NFIA: variants seen among roughly 807,000 people sequenced by gnomAD.
NFIA encodes nuclear factor I A.
Under a neutral mutation model 62.8 loss-of-function variants are expected in NFIA, and 8 were observed. That is an observed-to-expected ratio of 0.13 (90% confidence interval 0.07 to 0.23). NFIA has a LOEUF of 0.23. Ranked by LOEUF, NFIA falls within the 10% of genes least tolerant of loss-of-function variation. NFIA has a pLI of 1.00. For synonymous variants in NFIA, 235 were observed against 238.1 expected, an observed-to-expected ratio of 0.99 and a Z score of 0.12; for missense variants, 410 against 642.1, an observed-to-expected ratio of 0.64 and a Z score of 3.91.
chr1:61,334,535 A>ATGTGTGTGTGTGTGTGTGTGTGTG (rs35661377), intron 4 of NFIA, among the ~76,000 whole-genome samples: 2 of 58,610 alleles, frequency 3.4e-5, no homozygotes, highest in African/African-American at 2.3e-4. Context: ...GTGTGTATAT[A>ATGTGTGTGTGTGTGTGTGTGTGTG]TGTGTGTGTG....
intron 2 of NFIA, among the ~76,000 whole-genome samples, chr1:61,163,233 T>C (rs777423497): frequency 3.9e-5 from 6 of 152,236 alleles, no homozygotes; most frequent in Non-Finnish European, 8.8e-5. Flanking sequence ...TGAGACACTT[T>C]ATGGAATGTT....
At chr1:61,347,837 G>A (rs1288855080) in intron 4 of NFIA, among the ~76,000 whole-genome samples, 2 of 152,100 alleles carry the variant, frequency 1.3e-5, no homozygotes, top group African/African-American at 2.4e-5. Flanking sequence ...TCAGTGTGGC[G>A]CAGTAAGAAA....
intron 2 of NFIA, among the ~76,000 whole-genome samples, chr1:61,137,200 A>G (rs889677110): frequency 6.6e-6 from 1 of 152,256 alleles, no homozygotes; most frequent in African/African-American, 2.4e-5. Flanking sequence ...ACAGTAGCCA[A>G]ATGGAGAGAG....
chr1:61,302,423 G>C (rs936578635), intron 3 of NFIA, among the ~76,000 whole-genome samples: 8 of 152,214 alleles, frequency 5.3e-5, no homozygotes, highest in Non-Finnish European at 1.0e-4. Context: ...TCCCAGGACA[G>C]TGACTAAGTG....
intron 2 of NFIA, among the ~76,000 whole-genome samples, chr1:61,258,352 AAC>A (rs966717519): frequency 6.6e-6 from 1 of 152,200 alleles, no homozygotes; most frequent in Non-Finnish European, 1.5e-5. Context: ...TGACATTTTC[AAC>A]ACAGTTTCTA....
chr1:61,094,878 C>T (rs1311285657), intron 2 of NFIA, among the ~76,000 whole-genome samples: 3 of 152,154 alleles, frequency 2.0e-5, no homozygotes, highest in African/African-American at 7.2e-5. Flanking sequence ...ATAAACATGG[C>T]TTATGAAGTG....
At chr1:61,190,660 A>G (rs1008189932) in intron 2 of NFIA, among the ~76,000 whole-genome samples, 4 of 152,264 alleles carry the variant, frequency 2.6e-5, no homozygotes, top group Non-Finnish European at 5.9e-5. Flanking sequence ...ACTGAAACAA[A>G]CAAACAAATT....
At chr1:61,425,105 C>A (rs761195419) in intron 9 of NFIA, among the ~76,000 whole-genome samples, 4 of 152,206 alleles carry the variant, frequency 2.6e-5, no homozygotes, top group Non-Finnish European at 5.9e-5. Context: ...CCCTCATGCT[C>A]AGCCTCTGTT....
chr1:61,240,673 T>C (rs1283945454), intron 2 of NFIA, among the ~76,000 whole-genome samples: 1 of 152,152 alleles, frequency 6.6e-6, no homozygotes, highest in Non-Finnish European at 1.5e-5. Flanking sequence ...AATTTTCTTT[T>C]TTCATATGTT....
In NFIA at chr1:61,088,496, A is replaced by G. The variant is rs116275018; in HGVS notation, c.375A>G (p.Lys125=). 1.9e-6 allele frequency: 3 copies of G among 1,614,032 alleles called. No individual in the cohort carries two copies. Among genetic ancestry groups the G allele is most frequent in the East Asian group, 4.5e-5 (2 of 44,884 alleles). Residue 125 remains lysine, a synonymous_variant, in exon 2 of 11, where the codon AAA becomes AAG. Transcript: ENST00000403491. The surrounding 1 kb of genome is among the most constrained non-coding windows in gnomAD (Gnocchi z 4.5). ...RRIDCLRQAD[K]VWRLDLVMVI... ...TTGACTGCCTCCGCCAGGCAGATAA[A>G]GTCTGGAGGTTGGACCTTGTTATGG...
intron 2 of NFIA, among the ~76,000 whole-genome samples, chr1:61,257,354 T>G: frequency 7.5e-6 from 1 of 132,634 alleles, no homozygotes; most frequent in African/African-American, 3.1e-5. Flanking sequence ...TTTTTTTTTT[T>G]TGAGACAGAG....
chr1:61,151,985 G>C (rs897234805), intron 2 of NFIA, among the ~76,000 whole-genome samples: 3 of 152,278 alleles, frequency 2.0e-5, no homozygotes, highest in African/African-American at 7.2e-5. Flanking sequence ...TGCTCAGAGA[G>C]TCCTGTCCTG....
chr1:61,126,457 C>CAT (rs1302948827), intron 2 of NFIA, among the ~76,000 whole-genome samples: 2 of 144,498 alleles, frequency 1.4e-5, no homozygotes, highest in African/African-American at 5.1e-5. Context: ...CACACACACA[C>CAT]ACACACACAC....
intron 2 of NFIA, among the ~76,000 whole-genome samples, chr1:61,207,059 A>C (rs1348177221): frequency 6.6e-6 from 1 of 152,202 alleles, no homozygotes; most frequent in East Asian, 1.9e-4. Context: ...AAGAAGGCCA[A>C]CAGTGGACTT....
chr1:61,462,425 A>G lies in NFIA; in HGVS notation c.*7105A>G, dbSNP rs1668583098. 6.6e-6 allele frequency: 1 copy of G among 152,136 alleles called. No individual in the cohort carries two copies. Among genetic ancestry groups the G allele is most frequent in the African/African-American group, 2.4e-5 (1 of 41,394 alleles). The allele number at this position is 152,136 out of a possible 1,614,324, so 9.4% of individuals were successfully genotyped here. On this transcript the variant is annotated 3_prime_UTR_variant, in exon 11 of 11. Coordinates refer to ENST00000403491, the MANE Select transcript of NFIA (RefSeq NM_001134673.4). ...TCAAATTGTAGGGGGAGGGGATGGA[A>G]CACTTCCAGTGATGGTAAGAGATCT...
intron 2 of NFIA, among the ~76,000 whole-genome samples, chr1:61,092,609 T>C (rs1171414557): frequency 6.6e-6 from 1 of 152,226 alleles, no homozygotes; most frequent in Non-Finnish European, 1.5e-5. Context: ...CACTTAATTA[T>C]GCTGACATGA....
rs1653900914 is a variant in NFIA, at chr1:61,219,751, G to A, written c.560-57769G>A. 2.7e-5 allele frequency among the ~76,000 whole-genome samples: 4 copies of A among 150,366 alleles called. No homozygotes were observed. The South Asian group carries it at 8.4e-4, about 32-fold the overall frequency. ...AGAAAAAAGGCGGGCGGATCACGAG[G>A]TCAAAAGATCAAGACCATCCTGGCT... On this transcript the variant is annotated intron_variant, in intron 2 of 10. Coordinates refer to ENST00000403491, the MANE Select transcript of NFIA (RefSeq NM_001134673.4).
intron 10 of NFIA, among the ~76,000 whole-genome samples, chr1:61,453,462 T>C (rs1264614851): frequency 2.7e-5 from 4 of 148,336 alleles, no homozygotes; most frequent in Non-Finnish European, 4.5e-5. Flanking sequence ...TTTTTTTTTT[T>C]TTTTTGCTTT....
intron 2 of NFIA, among the ~76,000 whole-genome samples, chr1:61,268,921 C>T (rs536245659): frequency 5.6e-4 from 85 of 152,114 alleles, no homozygotes; most frequent in African/African-American, 2.0e-3. Flanking sequence ...TCAGACTCTC[C>T]GCACACTTCT....
Sources: gnomAD v4.1 joint callset for allele counts (sites outside exome capture counted in the v4.1 genomes callset) on GRCh38, gnomAD v4.1.1 for gene constraint, Gnocchi (gnomAD v3.1) non-coding constraint, MANE v1.5 for transcripts, NCBI Gene and HGNC (gene_info 2026-07-23, HGNC 2026-07-21) for gene names.